The following NSMCE2 variants were observed in gnomAD, a reference collection of about 807,000 sequenced individuals.
NSMCE2 encodes E3 SUMO-protein ligase NSE2.
Under a neutral mutation model 23.8 loss-of-function variants are expected in NSMCE2, and 24 were observed. That is an observed-to-expected ratio of 1.01 (90% CI 0.73 to 1.42). NSMCE2 has a LOEUF of 1.42. Ranked by LOEUF, NSMCE2 falls within the 40% of genes most tolerant of loss-of-function variation. The pLI, the probability that NSMCE2 is intolerant of heterozygous loss-of-function variation, is 0.00. For synonymous variants in NSMCE2, 92 were observed against 94.1 expected (o/e 0.98, Z 0.13); for missense variants, 284 against 296.5 (o/e 0.96, Z 0.31).
chr8:125,248,511 G>A lies in NSMCE2; in HGVS notation c.418+66255G>A, dbSNP rs1404492080. Among the ~76,000 whole-genome samples the A allele has an allele frequency of 3.9e-5, 6 of 152,018 alleles. No homozygotes were observed. In the East Asian group the frequency reaches 1.2e-3, roughly 29 times the overall value. The stretch of plus-strand genomic sequence containing the variant: ...CTACTAAAAATACAAAAATTAGCTG[G>A]GCATGGTGGTGCATGCCTGTAGTCC... On this transcript the variant is annotated intron_variant, in intron 5 of 7. Coordinates refer to ENST00000287437, the MANE Select transcript of NSMCE2 (RefSeq NM_173685.4).
chr8:125,291,170 AG>A (rs1325861313), intron 5 of NSMCE2, among the ~76,000 whole-genome samples: 1 of 152,208 alleles, frequency 6.6e-6, no homozygotes, highest in Non-Finnish European at 1.5e-5. Context: ...TTTCAGAGGT[AG>A]GTGATGGTGT....
intron 5 of NSMCE2, among the ~76,000 whole-genome samples, chr8:125,196,597 A>G (rs1279379957): frequency 1.3e-5 from 2 of 152,102 alleles, no homozygotes; most frequent in Non-Finnish European, 2.9e-5. Flanking sequence ...AATCCAGTCT[A>G]TCATTGTTGG....
intron 5 of NSMCE2, among the ~76,000 whole-genome samples, chr8:125,236,522 A>C (rs530475239): frequency 6.6e-6 from 1 of 152,176 alleles, no homozygotes; most frequent in South Asian, 2.1e-4. Context: ...TGGGAATGGA[A>C]ATGTTTGCAT....
intron 3 of NSMCE2, among the ~76,000 whole-genome samples, chr8:125,138,701 T>C (rs1586495415): frequency 6.6e-6 from 1 of 152,312 alleles, no homozygotes; most frequent in East Asian, 1.9e-4. Context: ...GCAGGTCAAC[T>C]CGGTCAAAGG....
Position 125,361,763 on chromosome 8 carries a change from TC to T in NSMCE2, c.626+3949del, listed in dbSNP as rs1813565030. Among the ~76,000 whole-genome samples, 4 of 152,282 alleles carry T rather than the reference TC, an allele frequency of 2.6e-5. No homozygotes were observed. The South Asian group carries it at 8.3e-4, about 32-fold the overall frequency. On this transcript the variant is annotated intron_variant, in intron 7 of 7. Coordinates refer to ENST00000287437, the MANE Select transcript of NSMCE2 (RefSeq NM_173685.4). ...CCGAGGCTGATAGAGTTGTTATCAC[TC>T]CCCGTGCTGCTTAGTGACACATTAT...
chr8:125,354,036 A>G (rs910756227), intron 5 of NSMCE2, among the ~76,000 whole-genome samples: 1 of 151,000 alleles, frequency 6.6e-6, no homozygotes, highest in East Asian at 2.0e-4. Flanking sequence ...GGTTCAAGCA[A>G]TTCTCCTGCC....
intron 4 of NSMCE2, among the ~76,000 whole-genome samples, chr8:125,169,747 C>T (rs1265098610): frequency 6.6e-6 from 1 of 151,460 alleles, no homozygotes; most frequent in East Asian, 1.9e-4. Flanking sequence ...TTTTTCCTGC[C>T]TTTTCCATAA....
chr8:125,129,152 G>A (rs74477429), intron 3 of NSMCE2, among the ~76,000 whole-genome samples: 3,291 of 152,178 alleles, frequency 0.022, 131 homozygotes, highest in African/African-American at 0.076. Context: ...TAGAATGAAT[G>A]TTTGTTTCTT....
intron 5 of NSMCE2, among the ~76,000 whole-genome samples, chr8:125,195,165 A>T (rs1823556033): frequency 6.6e-6 from 1 of 152,136 alleles, no homozygotes; most frequent in South Asian, 2.1e-4. Flanking sequence ...TTTACAGCGG[A>T]GGTGCTCACC....
At chr8:125,167,105 T>G (rs1389019830) in intron 4 of NSMCE2, among the ~76,000 whole-genome samples, 1 of 152,228 alleles carries the variant, frequency 6.6e-6, no homozygotes, top group Non-Finnish European at 1.5e-5. Context: ...CAAGGCAGAC[T>G]TCTTTCACTT....
Position 125,098,860 on chromosome 8 carries a change from G to A in NSMCE2, c.-110-3191G>A, listed in dbSNP as rs570421052. Among the ~76,000 whole-genome samples, 101 of 152,236 alleles carry A rather than the reference G, an allele frequency of 6.6e-4. 2 individuals are homozygous for A. Among genetic ancestry groups the A allele is most frequent in the African/African-American group, 2.3e-3 (96 of 41,504 alleles). ...TGTTGGACGTTTTAAGTTCTGGAGT[G>A]ATCTTGCCAATGGTATTTAGATGGA... On this transcript the variant is annotated intron_variant, in intron 1 of 7. Transcript: ENST00000287437.
At chr8:125,327,345 A>G (rs1387000250) in intron 5 of NSMCE2, among the ~76,000 whole-genome samples, 2 of 152,180 alleles carry the variant, frequency 1.3e-5, no homozygotes, top group African/African-American at 2.4e-5. Context: ...TGAATGTAGT[A>G]TAATTACCAA....
rs1823671361 is a variant in NSMCE2, at chr8:125,197,398, T to G, written c.418+15142T>G. ...TATAAGGTGTAAGGAAGGGATCCAG[T>G]TTCAGCTTTCTACATATGACTAGCC... On this transcript the variant is annotated intron_variant, in intron 5 of 7. Transcript: ENST00000287437. 2.0e-5 allele frequency among the ~76,000 whole-genome samples: 3 copies of G among 152,218 alleles called. No homozygotes were observed. The South Asian group carries it at 6.2e-4, about 31-fold the overall frequency.
chr8:125,252,530 A>T (rs939523677), intron 5 of NSMCE2, among the ~76,000 whole-genome samples: 1 of 152,220 alleles, frequency 6.6e-6, no homozygotes, highest in African/African-American at 2.4e-5. Context: ...TGTCTCAAAA[A>T]AAAGAGAAAA....
chr8:125,197,370 T>C (rs1823669953), intron 5 of NSMCE2, among the ~76,000 whole-genome samples: 1 of 152,238 alleles, frequency 6.6e-6, no homozygotes, highest in Admixed American at 6.5e-5. Flanking sequence ...GAATTAACTT[T>C]TGTATAAGGT....
chr8:125,320,251 G>GGAAGAAAGGAAGGAAGGAA (rs1829384667), intron 5 of NSMCE2, among the ~76,000 whole-genome samples: 1 of 58,298 alleles, frequency 1.7e-5, no homozygotes, highest in Admixed American at 2.1e-4. Flanking sequence ...GAGGGAGGGA[G>GGAAGAAAGGAAGGAAGGAA]GGAAGGAAGG....
intron 5 of NSMCE2, among the ~76,000 whole-genome samples, chr8:125,284,210 GA>G: frequency 7.4e-6 from 1 of 134,386 alleles, no homozygotes; most frequent in Admixed American, 7.4e-5. Flanking sequence ...AAAAAAAAAA[GA>G]AAAAAAATTT....
At chr8:125,165,786 T>G (rs1327825837) in intron 4 of NSMCE2, among the ~76,000 whole-genome samples, 1 of 152,232 alleles carries the variant, frequency 6.6e-6, no homozygotes, top group East Asian at 1.9e-4. Context: ...ATGGATAGAA[T>G]TCATTTTCAC....
At position 125,356,616 on chromosome 8, in the gene NSMCE2, C is replaced by T. The variant is rs563063620; in HGVS notation, c.419-603C>T. On this transcript the variant is annotated intron_variant, in intron 5 of 7. Transcript: ENST00000287437. ...TGCTGGGATTAAAGGCGTGAGCCAC[C>T]GCAACCGGCCTTATTGTTATTTTTT... is the stretch of plus-strand genomic sequence containing the variant. Among the ~76,000 whole-genome samples, 52 of 152,134 alleles carry T rather than the reference C, an allele frequency of 3.4e-4. No individual in the cohort carries two copies. In the East Asian group the frequency reaches 6.9e-3, roughly 20 times the overall value.
Sources: allele counts gnomAD v4.1 joint callset (sites outside exome capture counted in the v4.1 genomes callset), GRCh38; gene constraint gnomAD v4.1.1; transcripts MANE v1.5; gene names NCBI Gene and HGNC (gene_info 2026-07-23, HGNC 2026-07-21).